Variants in PTPN5 observed in about 807,000 individuals in gnomAD.
PTPN5 encodes the protein tyrosine-protein phosphatase non-receptor type 5.
Under a neutral mutation model 73.9 loss-of-function variants are expected in PTPN5, and 29 were observed. The ratio of observed to expected loss-of-function variants is 0.39; its 90% CI spans 0.29 to 0.54. PTPN5 has a LOEUF of 0.54. PTPN5 is among the 20% of genes least tolerant of loss of function. The pLI is 0.65. For synonymous variants in PTPN5, 267 were observed against 304.7 expected (o/e 0.88, Z 1.29); for missense variants, 652 against 751.4 (o/e 0.87, Z 1.55).
At chr11:18,753,149 G>C (rs1272895188) in intron 3 of PTPN5, among the ~76,000 whole-genome samples, 1 of 152,216 alleles carries the variant, frequency 6.6e-6, no homozygotes, top group African/African-American at 2.4e-5. Context: ...GAAAATCCAG[G>C]TGACAGGAAG....
rs547272581 is a variant in PTPN5, at chr11:18,729,744, G to T, written c.1404C>A (p.Ala468=). 2.2e-5 allele frequency: 35 copies of T among 1,607,158 alleles called. No individual in the cohort carries two copies. The African/African-American group carries it at 2.8e-4, about 13-fold the overall frequency. ...CCCGCACCAGGTGCAGGAGTGGGGG[G>T]GCCCGGTCTGGGGTCTTCTGGTCGG... The part of the protein sequence containing the change: ...SWPDQKTPDR[A]PPLLHLVREV... Residue 468 remains alanine, a synonymous_variant, in exon 13 of 15, where the codon GCC becomes GCA. Coordinates refer to ENST00000358540, the MANE Select transcript of PTPN5 (RefSeq NM_006906.2). The surrounding 1 kb of genome is among the most constrained non-coding windows in gnomAD (Gnocchi z 5.2).
chr11:18,743,941 A>G (rs975942761), intron 4 of PTPN5, 65 bp downstream of exon 4: 8 of 1,501,932 alleles, frequency 5.3e-6, no homozygotes, highest in African/African-American at 1.4e-5. Context: ...CCTGGGGAGG[A>G]AGTGGGAGGC....
rs765143215 is a variant in PTPN5, at chr11:18,733,251, A to G, written c.1202T>C (p.Ile401Thr). The change falls in exon 11 of 15, where the codon ATC becomes ACC. Residue 401 changes from isoleucine (I) to threonine (T), a missense_variant. By Grantham distance (89) the Ile-to-Thr change is moderately conservative (BLOSUM62 -1). Around this residue, in one of 3 missense-constraint regions of PTPN5, gnomAD observed 529 missense variants for 573.9 expected, o/e 0.92. Coordinates refer to ENST00000358540, the MANE Select transcript of PTPN5 (RefSeq NM_006906.2). This position sits in a 1 kb window ranked among gnomAD's most constrained non-coding sequence, Gnocchi z 4.3. Reference protein sequence around the residue: ...HTPIIVMITNIEEMNEKCTEY... With the variant: ...HTPIIVMITNTEEMNEKCTEY... ...GGTCCCTACCTCGTTCATCTCCTCGATGTTGGTGATCATGACAATGATGGG... is the reference window on the plus strand; with the variant it reads ...GGTCCCTACCTCGTTCATCTCCTCGGTGTTGGTGATCATGACAATGATGGG... 1 of 1,613,430 alleles carries G rather than the reference A, an allele frequency of 6.2e-7. No individual in the cohort carries two copies. Among genetic ancestry groups the G allele is most frequent in the South Asian group, 1.1e-5 (1 of 91,072 alleles).
At chr11:18,735,957 G>A (rs952830644) in intron 9 of PTPN5, among the ~76,000 whole-genome samples, 2 of 152,176 alleles carry the variant, frequency 1.3e-5, no homozygotes, top group African/African-American at 4.8e-5. Context: ...CAAGTAAGAA[G>A]TGTCAAGGAT....
intron 1 of PTPN5, among the ~76,000 whole-genome samples, chr11:18,775,053 TG>T (rs1851081269): frequency 6.6e-6 from 1 of 152,198 alleles, no homozygotes; most frequent in African/African-American, 2.4e-5. Flanking sequence ...CCAGGGCAGG[TG>T]TTAGCAAACT....
chr11:18,758,289 G>A (rs930997781), intron 3 of PTPN5, among the ~76,000 whole-genome samples: 1 of 152,174 alleles, frequency 6.6e-6, no homozygotes, highest in African/African-American at 2.4e-5. Context: ...CTGGAGCTGG[G>A]CCTTAAGAGA....
chr11:18,741,677 T>C (rs61886902), intron 7 of PTPN5, among the ~76,000 whole-genome samples: 20,923 of 151,958 alleles, frequency 0.14, 1,874 homozygotes, highest in African/African-American at 0.25. Context: ...GGTACCCAGG[T>C]ACATAAAGAT....
At chr11:18,743,251 G>T in intron 5 of PTPN5, 71 bp downstream of exon 5, 1 of 1,453,310 alleles carries the variant, frequency 6.9e-7, no homozygotes, top group Non-Finnish European at 9.7e-7. Flanking sequence ...CCAATCTGGA[G>T]GTTGGGGAGG....
chr11:18,760,882 C>A (rs1191957296), intron 3 of PTPN5, among the ~76,000 whole-genome samples: 1 of 152,256 alleles, frequency 6.6e-6, no homozygotes, highest in Non-Finnish European at 1.5e-5. Flanking sequence ...AGGATACACT[C>A]TAACTACTAG....
chr11:18,781,707 A>T (rs1004750504), intron 1 of PTPN5, among the ~76,000 whole-genome samples: 2 of 152,040 alleles, frequency 1.3e-5, no homozygotes, highest in African/African-American at 4.8e-5. Flanking sequence ...ATCTTATATC[A>T]ATTTCTTTAA....
chr11:18,767,144 T>C (rs1023731782), intron 2 of PTPN5, among the ~76,000 whole-genome samples: 1 of 152,190 alleles, frequency 6.6e-6, no homozygotes, highest in African/African-American at 2.4e-5. Flanking sequence ...CTTTCAGGAA[T>C]TCCAGAGGCT....
At chr11:18,765,083 G>T (rs935810965) in intron 3 of PTPN5, among the ~76,000 whole-genome samples, 1 of 152,028 alleles carries the variant, frequency 6.6e-6, no homozygotes, top group Non-Finnish European at 1.5e-5. Context: ...ACAGGATTAT[G>T]GCGATTTTTC....
rs999222001 is a variant in PTPN5 at position 18,760,678 on chromosome 11, C to T, written c.97+5129G>A. ...GAAATCTCAGGTTGGTAGGGATTGT[C>T]ATGGCTCCAGCCAGCTGCCCGCAGG... On this transcript the variant is annotated intron_variant, in intron 3 of 14. Transcript: ENST00000358540. Among the ~76,000 whole-genome samples, 19 of 152,240 alleles carry T rather than the reference C, an allele frequency of 1.2e-4. 1 individual carries two copies. Among genetic ancestry groups the T allele is most frequent in the Admixed American group, 1.2e-3 (19 of 15,286 alleles).
At chr11:18,750,008 T>C (rs912996563) in intron 3 of PTPN5, among the ~76,000 whole-genome samples, 1 of 152,182 alleles carries the variant, frequency 6.6e-6, no homozygotes, top group Admixed American at 6.5e-5. Flanking sequence ...CTGCCTGGAC[T>C]TCATGAATTA....
intron 3 of PTPN5, among the ~76,000 whole-genome samples, chr11:18,751,116 T>C (rs1437026139): frequency 6.6e-6 from 1 of 152,222 alleles, no homozygotes; most frequent in African/African-American, 2.4e-5. Flanking sequence ...AGCACTCCCG[T>C]GGGCTCTGAG....
At chr11:18,746,345 C>T (rs1849638108) in intron 3 of PTPN5, among the ~76,000 whole-genome samples, 1 of 151,552 alleles carries the variant, frequency 6.6e-6, no homozygotes, top group South Asian at 2.1e-4. Context: ...GTGTGTGCCA[C>T]CATGCCTGGC....
rs527407864 is a variant in PTPN5 at position 18,782,920 on chromosome 11, G to A, written c.-114+8605C>T. Among the ~76,000 whole-genome samples, 84 of 152,340 alleles carry A rather than the reference G, an allele frequency of 5.5e-4. No homozygotes were observed. In the South Asian group the frequency reaches 0.016, roughly 29 times the overall value. ...TAGGTCCCTGTTGAGAAATACGGCT[G>A]CAAGCTATGGGGAGCCACAGAAGGA... On this transcript the variant is annotated intron_variant, in intron 1 of 14. Coordinates refer to ENST00000358540, the MANE Select transcript of PTPN5 (RefSeq NM_006906.2).
chr11:18,766,930 A>G (rs757071808), intron 2 of PTPN5, among the ~76,000 whole-genome samples: 21 of 152,324 alleles, frequency 1.4e-4, no homozygotes, highest in Non-Finnish European at 2.8e-4. Context: ...TGGTAGCCAC[A>G]GTGCCCTGGA....
chr11:18,758,675 G>GTTT (rs59126462), intron 3 of PTPN5, among the ~76,000 whole-genome samples: 1 of 150,552 alleles, frequency 6.6e-6, no homozygotes. Context: ...GGAAGGATGA[G>GTTT]TTTTTTTTTT....
Sources: allele counts gnomAD v4.1 joint callset (sites outside exome capture counted in the v4.1 genomes callset), GRCh38; gene constraint gnomAD v4.1.1; regional missense constraint gnomAD v4.1.1; non-coding constraint Gnocchi (gnomAD v3.1); transcripts MANE v1.5; gene names NCBI Gene and HGNC (gene_info 2026-07-23, HGNC 2026-07-21).